Variants in ODF2 observed in about 807,000 individuals in gnomAD.
ODF2 encodes outer dense fiber of sperm tails 2.
Under a neutral mutation model 110.2 loss-of-function variants are expected in ODF2, and 47 were observed. That is an observed-to-expected ratio of 0.43 (90% CI 0.34 to 0.54). The LOEUF (loss-of-function observed/expected upper bound fraction) is 0.54, where lower values mean the gene tolerates loss of function less well. Among genes scored for constraint, ODF2 ranks in the 20% least tolerant of loss-of-function variants. The pLI is 0.03. For synonymous variants in ODF2, 352 were observed against 397.7 expected (o/e 0.89, Z 1.37); for missense variants, 812 against 1,054.5 (o/e 0.77, Z 3.19).
chr9:128,482,835 A>G, exon 10 of ODF2: 1 of 1,613,296 alleles, frequency 6.2e-7, no homozygotes, highest in Non-Finnish European at 8.5e-7. Context: ...TTACTGCTGC[A>G]AGACAAGGAC....
chr9:128,469,300 TATG>T (rs1199296971), exon 5 of ODF2: 4 of 1,614,036 alleles, frequency 2.5e-6, no homozygotes, highest in African/African-American at 2.7e-5. Flanking sequence ...AATGAACCGT[TATG>T]ATAAGAAGAT....
chr9:128,489,123 C>T (rs185966437), intron 14 of ODF2, among the ~76,000 whole-genome samples: 8 of 152,318 alleles, frequency 5.3e-5, no homozygotes, highest in Admixed American at 3.9e-4. Context: ...GAGTCTGACT[C>T]GAGCCCTAGC....
intron 7 of ODF2, 138 bp downstream of exon 7, chr9:128,473,180 C>T (rs1285317721): frequency 6.8e-7 from 1 of 1,464,936 alleles, no homozygotes; most frequent in Admixed American, 2.2e-5. Flanking sequence ...TTAACTAGGC[C>T]CCCACCCACC....
intron 14 of ODF2, among the ~76,000 whole-genome samples, chr9:128,489,511 C>T (rs910586844): frequency 1.3e-5 from 2 of 152,146 alleles, no homozygotes; most frequent in African/African-American, 4.8e-5. Flanking sequence ...GTTTGAATAT[C>T]CCTGGGCCTG....
chr9:128,463,184 C>T (rs1278951556), intron 4 of ODF2, among the ~76,000 whole-genome samples: 1 of 152,122 alleles, frequency 6.6e-6, no homozygotes, highest in Non-Finnish European at 1.5e-5. Context: ...ATCACTTGAG[C>T]CAGGGAGGTT....
chr9:128,496,424 A>T, intron 18 of ODF2: 2 of 1,049,294 alleles, frequency 1.9e-6, no homozygotes, highest in Non-Finnish European at 2.5e-6. Context: ...CAGGCCTGCC[A>T]GGAGGGCCCA....
At chr9:128,455,278 G>A, upstream of ODF2, 3 of 1,516,740 alleles carry the variant, frequency 2.0e-6, no homozygotes, top group South Asian at 1.2e-5. Flanking sequence ...TAGACCGGGC[G>A]CGGAGGCTCA....
At chr9:128,472,076 C>T (rs529410571) in intron 6 of ODF2, among the ~76,000 whole-genome samples, 5 of 152,208 alleles carry the variant, frequency 3.3e-5, no homozygotes, top group East Asian at 1.9e-4. Context: ...GTCAGGAGTT[C>T]GAGACCAGCC....
intron 4 of ODF2, chr9:128,461,355 C>G: frequency 2.5e-6 from 1 of 403,136 alleles, no homozygotes; most frequent in South Asian, 3.1e-5. Context: ...AAGATTCATT[C>G]TAGAGGCAGT....
chr9:128,457,117 G>A, intron 1 of ODF2: 2 of 1,412,754 alleles, frequency 1.4e-6, no homozygotes, highest in Non-Finnish European at 1.9e-6. Context: ...CCTTTCCCTC[G>A]CGGTTCTGCC....
chr9:128,496,974 CA>C (rs1643117119), intron 18 of ODF2, among the ~76,000 whole-genome samples: 1 of 152,080 alleles, frequency 6.6e-6, no homozygotes, highest in South Asian at 2.1e-4. Context: ...GTGATCCACC[CA>C]CCTAGGCCTC....
chr9:128,498,249 G>T, intron 18 of ODF2, 164 bp from the exon 19 acceptor site: 1 of 1,069,112 alleles, frequency 9.4e-7, no homozygotes, highest in Non-Finnish European at 1.3e-6. Context: ...ACAGTTCTTT[G>T]GTCGCCTTGC....
chr9:128,474,156 C>A (rs1840706008), intron 8 of ODF2, among the ~76,000 whole-genome samples: 1 of 152,010 alleles, frequency 6.6e-6, no homozygotes, highest in Non-Finnish European at 1.5e-5. Context: ...GTCAGGAGTT[C>A]GAGAACAGCC....
upstream of ODF2, chr9:128,456,029 A>G (rs1487101833): frequency 8.3e-6 from 12 of 1,445,910 alleles, no homozygotes; most frequent in Non-Finnish European, 1.1e-5. Flanking sequence ...CATCTCTGTG[A>G]CGCTAGGGGC....
At position 128,471,583 on chromosome 9, in the gene ODF2, C is replaced by T. The variant is rs1588825836; in HGVS notation, c.581+115C>T. ...GGTGGGCACAGGCACTGTGCCTGTG[C>T]CCTGGAGCCTGTTCAACAGTCACAC... is the stretch of plus-strand genomic sequence containing the variant. On this transcript the variant is annotated intron_variant, in intron 6 of 20. Coordinates refer to ENST00000604420, the Ensembl canonical transcript of ODF2. 3.5e-6 allele frequency: 3 copies of T among 869,086 alleles called. No individual in the cohort carries two copies. The East Asian group carries it at 8.6e-5, about 25-fold the overall frequency. 53.8% of individuals were successfully genotyped at this position (869,086 alleles called of 1,614,324 possible).
intron 4 of ODF2, among the ~76,000 whole-genome samples, chr9:128,466,784 T>G (rs1838044201): frequency 6.7e-6 from 1 of 149,014 alleles, no homozygotes; most frequent in Admixed American, 6.7e-5. Context: ...GAGACCATCC[T>G]GGCTAACACA....
chr9:128,459,732 G>T, intron 3 of ODF2, 75 bp downstream of exon 2: 1 of 1,152,302 alleles, frequency 8.7e-7, no homozygotes. Context: ...TTTCTAGGAG[G>T]TGCCTTACCC....
At chr9:128,496,433 C>G in intron 18 of ODF2, 2 of 975,790 alleles carry the variant, frequency 2.0e-6, no homozygotes, top group South Asian at 3.2e-5. Context: ...CAGGAGGGCC[C>G]AGTTTGAATG....
intron 8 of ODF2, among the ~76,000 whole-genome samples, chr9:128,476,894 C>G (rs1841397602): frequency 6.6e-6 from 1 of 151,064 alleles, no homozygotes; most frequent in Non-Finnish European, 1.5e-5. Flanking sequence ...CCACCTCAGC[C>G]TCCCAAAATG....
Sources: allele counts gnomAD v4.1 joint callset (sites outside exome capture counted in the v4.1 genomes callset), GRCh38; gene constraint gnomAD v4.1.1; transcripts MANE v1.5; gene names NCBI Gene and HGNC (gene_info 2026-07-23, HGNC 2026-07-21).